Variants in PPARGC1A observed in about 807,000 individuals in gnomAD.
PPARGC1A encodes the protein PPARG coactivator 1 alpha, also known as peroxisome proliferator-activated receptor gamma coactivator 1-alpha.
A neutral mutation model predicts 88.7 loss-of-function variants in PPARGC1A; 25 were observed. The observed-to-expected ratio is 0.28, with a 90% CI of 0.21 to 0.39. The LOEUF (loss-of-function observed/expected upper bound fraction) is 0.39, where lower values mean the gene tolerates loss of function less well. Among genes scored for constraint, PPARGC1A ranks in the 10% least tolerant of loss-of-function variants. The probability of loss-of-function intolerance (pLI) is 1.00; values close to 1 mark genes in which losing one functional copy is unlikely to be tolerated. For missense variants in PPARGC1A, 880 were observed against 968.7 expected (o/e 0.91, Z 1.22); for synonymous variants, 363 against 355.6 (o/e 1.02, Z -0.24).
chr4:24,063,173 T>C, the PPARGC1A span, among the ~76,000 whole-genome samples: 3 of 152,138 alleles, frequency 2.0e-5, no homozygotes, highest in South Asian at 6.2e-4. Flanking sequence ...GAAAGTTCTG[T>C]AATGGAAACT....
the PPARGC1A span, among the ~76,000 whole-genome samples, chr4:24,034,146 G>C: frequency 8.5e-5 from 13 of 152,196 alleles, no homozygotes; most frequent in African/African-American, 3.1e-4. Context: ...GAGTAGCTCA[G>C]AAGTCAGTCC....
the PPARGC1A span, among the ~76,000 whole-genome samples, chr4:23,916,236 T>A: frequency 2.0e-5 from 3 of 152,230 alleles, no homozygotes; most frequent in African/African-American, 7.2e-5. Flanking sequence ...GGATAATAAC[T>A]ACCTTTGGCA....
In PPARGC1A at chr4:23,795,772, G is replaced by C. The variant is rs990186528; in HGVS notation, c.*50C>G. ...AATAGTCTTTAGGGAAGGACGCGCT[G>C]TCCCATGAGGTATTCGCCATCCCTC... On this transcript the variant is annotated 3_prime_UTR_variant, in exon 13 of 13. Coordinates refer to ENST00000264867, the MANE Select transcript of PPARGC1A (RefSeq NM_013261.5). 7.1e-7 allele frequency: 1 copy of C among 1,414,844 alleles called. No homozygotes were observed. Among genetic ancestry groups the C allele is most frequent in the Non-Finnish European group, 9.8e-7 (1 of 1,023,650 alleles). 87.6% of individuals were successfully genotyped at this position (1,414,844 alleles called of 1,614,324 possible). A position where few individuals can be genotyped will look rare whatever the true frequency, so the allele number is the denominator to read the frequency against.
chr4:23,812,649 A>G (rs1721130924), intron 10 of PPARGC1A, 98 bp downstream of exon 10: 1 of 1,562,628 alleles, frequency 6.4e-7, no homozygotes, highest in African/African-American at 1.4e-5. Context: ...TCTAACAAAG[A>G]CTTAGCTTTT....
chr4:24,223,353 G>A, the PPARGC1A span, among the ~76,000 whole-genome samples: 4 of 150,526 alleles, frequency 2.7e-5, no homozygotes, highest in East Asian at 2.0e-4. Flanking sequence ...ACGTTCAAGC[G>A]ATTCTCCTGC....
rs1212605350 is a variant in PPARGC1A, at chr4:23,873,394, C to A, written c.234+11358G>T. Among the ~76,000 whole-genome samples the A allele has an allele frequency of 2.0e-5, 3 of 151,956 alleles. No homozygotes were observed. In the East Asian group the frequency reaches 5.8e-4, roughly 29 times the overall value. On this transcript the variant is annotated intron_variant, in intron 2 of 12. Transcript: ENST00000264867. The stretch of plus-strand genomic sequence containing the variant: ...AATACAGATTGCAATGCCTTTTTGT[C>A]TTCAGGCCATTGGAAGAAAGATGAG...
the PPARGC1A span, among the ~76,000 whole-genome samples, chr4:24,020,648 C>T: frequency 6.6e-6 from 1 of 152,066 alleles, no homozygotes; most frequent in East Asian, 1.9e-4. Context: ...AGTGATTTCA[C>T]AGCTCCTCTG....
At chr4:24,319,499 T>C in the PPARGC1A span, among the ~76,000 whole-genome samples, 1 of 152,090 alleles carries the variant, frequency 6.6e-6, no homozygotes. Context: ...GCCACGTGGA[T>C]CTCCTTAGTT....
chr4:24,023,463 C>T, the PPARGC1A span, among the ~76,000 whole-genome samples: 3 of 152,180 alleles, frequency 2.0e-5, no homozygotes, highest in Non-Finnish European at 2.9e-5. Context: ...CTTGGTGCCA[C>T]ACACAGGCTC....
At chr4:23,795,989 C>A in intron 12 of PPARGC1A, 64 bp from the exon 13 acceptor site, 1 of 1,108,402 alleles carries the variant, frequency 9.0e-7, no homozygotes, top group Non-Finnish European at 1.4e-6. Flanking sequence ...TCAATCATTC[C>A]AATTCAAGAT....
In PPARGC1A at chr4:23,814,030, T is replaced by C; in HGVS notation, c.1453A>G (p.Arg485Gly). 1.2e-6 allele frequency: 2 copies of C among 1,614,096 alleles called. No homozygotes were observed. Among genetic ancestry groups the C allele is most frequent in the Non-Finnish European group, 8.5e-7 (1 of 1,179,956 alleles). The change falls in exon 8 of 13, where the codon AGG (arginine) becomes GGG (glycine). Residue 485 changes from arginine (R) to glycine (G), a missense_variant. Transcript: ENST00000264867. ...DDEADKTGEL[R>G]DSDFSNEQFS... ...TGTTCATTACTGAAATCACTGTCCC[T>C]CAGTTCACCGGTCTTGTCTGCTTCG...
chr4:24,239,678 G>A, the PPARGC1A span, among the ~76,000 whole-genome samples: 5 of 152,092 alleles, frequency 3.3e-5, no homozygotes, highest in Admixed American at 6.5e-5. Flanking sequence ...TCCAGAGTAA[G>A]TAGTTGGCTT....
At chr4:24,121,350 T>TGG in the PPARGC1A span, among the ~76,000 whole-genome samples, 38 of 152,180 alleles carry the variant, frequency 2.5e-4, no homozygotes, top group African/African-American at 9.2e-4. Context: ...CCTCTGAACA[T>TGG]GATCACAGGT....
the PPARGC1A span, among the ~76,000 whole-genome samples, chr4:23,968,375 C>G: frequency 1.3e-5 from 2 of 152,114 alleles, no homozygotes; most frequent in Non-Finnish European, 2.9e-5. Context: ...ATCCTTTCTG[C>G]TGATCTAATG....
chr4:24,428,763 C>T, the PPARGC1A span, among the ~76,000 whole-genome samples: 204 of 152,226 alleles, frequency 1.3e-3, 1 homozygote, highest in Middle Eastern at 0.014. Flanking sequence ...AGGCTGACAC[C>T]CCTCCTCTCT....
the PPARGC1A span, among the ~76,000 whole-genome samples, chr4:23,934,437 C>T: frequency 2.0e-5 from 3 of 152,180 alleles, no homozygotes; most frequent in Non-Finnish European, 2.9e-5. Context: ...TTCCCGCAAC[C>T]ACCCCCTGCA....
the PPARGC1A span, among the ~76,000 whole-genome samples, chr4:24,300,096 CA>C: frequency 6.6e-6 from 1 of 152,286 alleles, no homozygotes; most frequent in South Asian, 2.1e-4. Context: ...GTGGGAACAG[CA>C]AGAAGCAAAA....
At chr4:24,095,914 T>C in the PPARGC1A span, among the ~76,000 whole-genome samples, 2 of 152,172 alleles carry the variant, frequency 1.3e-5, no homozygotes, top group Non-Finnish European at 2.9e-5. Flanking sequence ...TCATCACCTC[T>C]TAAAGGCCTC....
At chr4:23,858,702 T>C (rs1730650083) in intron 2 of PPARGC1A, among the ~76,000 whole-genome samples, 1 of 152,212 alleles carries the variant, frequency 6.6e-6, no homozygotes, top group African/African-American at 2.4e-5. Flanking sequence ...GTCTGTCTAA[T>C]GTTCAGAAAG....
Sources: allele counts gnomAD v4.1 joint callset (sites outside exome capture counted in the v4.1 genomes callset), GRCh38; gene constraint gnomAD v4.1.1; transcripts MANE v1.5; gene names NCBI Gene and HGNC (gene_info 2026-07-23, HGNC 2026-07-21).